The following NUBPL variants were observed in gnomAD, a reference collection of about 807,000 sequenced individuals.
NUBPL encodes the protein NUBP iron-sulfur cluster assembly factor, mitochondrial.
NUBPL carries 31 observed loss-of-function variants against 45.7 expected under a neutral mutation model. The observed-to-expected ratio is 0.68, with a 90% CI of 0.51 to 0.92. NUBPL has a LOEUF of 0.92. NUBPL is among the 40% of genes least tolerant of loss of function. The probability of loss-of-function intolerance (pLI) is 0.00; values close to 1 mark genes in which losing one functional copy is unlikely to be tolerated. For synonymous variants in NUBPL, 144 were observed against 140.9 expected, an observed-to-expected ratio of 1.02 and a Z score of -0.15; for missense variants, 401 against 398.7, an observed-to-expected ratio of 1.01 and a Z score of -0.05.
intron 6 of NUBPL, among the ~76,000 whole-genome samples, chr14:31,782,087 A>G (rs866720718): frequency 2.0e-5 from 3 of 152,148 alleles, no homozygotes; most frequent in Admixed American, 2.0e-4. Flanking sequence ...TGTGTTTCTT[A>G]TAATTTTTTC....
intron 3 of NUBPL, among the ~76,000 whole-genome samples, chr14:31,585,118 G>A (rs1254792698): frequency 1.3e-5 from 2 of 152,116 alleles, no homozygotes; most frequent in African/African-American, 4.8e-5. Context: ...ATGTTTTCAA[G>A]GTTCATCCAT....
At chr14:31,755,887 G>A (rs1260811270) in intron 6 of NUBPL, among the ~76,000 whole-genome samples, 2 of 150,906 alleles carry the variant, frequency 1.3e-5, no homozygotes, top group African/African-American at 2.4e-5. Flanking sequence ...AAGGTGTAAG[G>A]AAGGGATCCA....
chr14:31,671,941 T>C (rs1389072964), intron 4 of NUBPL, among the ~76,000 whole-genome samples: 1 of 152,242 alleles, frequency 6.6e-6, no homozygotes, highest in East Asian at 1.9e-4. Flanking sequence ...CTAGGTTTTA[T>C]GACTTTGTCC....
intron 10 of NUBPL, among the ~76,000 whole-genome samples, chr14:31,858,744 C>T (rs74468004): frequency 0.023 from 3,443 of 152,226 alleles, 66 homozygotes; most frequent in Non-Finnish European, 0.035. Flanking sequence ...ACTAACAGCT[C>T]TTATGCTAAA....
At chr14:31,630,740 T>C (rs1168530239) in intron 4 of NUBPL, among the ~76,000 whole-genome samples, 1 of 152,152 alleles carries the variant, frequency 6.6e-6, no homozygotes, top group East Asian at 1.9e-4. Context: ...GCAATATCTT[T>C]CTAATGACTC....
intron 3 of NUBPL, among the ~76,000 whole-genome samples, chr14:31,592,718 ATC>A (rs1422636771): frequency 6.6e-6 from 1 of 152,036 alleles, no homozygotes; most frequent in Non-Finnish European, 1.5e-5. Context: ...GCAAATTTTC[ATC>A]TCTCTTTCCT....
At chr14:31,648,308 AAAGCCATGGACTGG>A in intron 4 of NUBPL, among the ~76,000 whole-genome samples, 1 of 152,356 alleles carries the variant, frequency 6.6e-6, no homozygotes, top group South Asian at 2.1e-4. Context: ...GGTTGTAAGA[AAAGCCATGGACTGG>A]AAAAATCCTA....
intron 7 of NUBPL, among the ~76,000 whole-genome samples, chr14:31,810,754 A>G (rs1443854651): frequency 6.6e-6 from 1 of 152,168 alleles, no homozygotes; most frequent in Non-Finnish European, 1.5e-5. Context: ...AGTGGCTGGT[A>G]CTTATTGTTC....
chr14:31,579,977 C>T (rs570310170), intron 3 of NUBPL, among the ~76,000 whole-genome samples: 1 of 152,312 alleles, frequency 6.6e-6, no homozygotes, highest in South Asian at 2.1e-4. Context: ...CAAGGTCTGA[C>T]CCTGATTGAA....
At chr14:31,640,719 T>C (rs1465791443) in intron 4 of NUBPL, among the ~76,000 whole-genome samples, 2 of 152,176 alleles carry the variant, frequency 1.3e-5, no homozygotes, top group East Asian at 3.8e-4. Flanking sequence ...ATTATTTTGT[T>C]GATACATAAT....
intron 6 of NUBPL, among the ~76,000 whole-genome samples, chr14:31,777,642 G>A (rs528692084): frequency 2.0e-5 from 3 of 152,330 alleles, no homozygotes; most frequent in East Asian, 1.9e-4. Context: ...AGCTGAAAAC[G>A]TCTGGACATT....
chr14:31,819,936 C>G (rs140959645), intron 7 of NUBPL, among the ~76,000 whole-genome samples: 1 of 151,886 alleles, frequency 6.6e-6, no homozygotes, highest in Non-Finnish European at 1.5e-5. Flanking sequence ...GTCAGGAGAT[C>G]GAGACCATCC....
rs1184905343 is a variant in NUBPL at position 31,860,171 on chromosome 14, CA to C, written c.*992del. The C allele has an allele frequency of 6.6e-6, 1 of 152,060 alleles. No individual in the cohort carries two copies. The highest frequency in any genetic ancestry group is 1.5e-5 in the Non-Finnish European group (1 of 68,116). 9.4% of individuals were successfully genotyped at this position (152,060 alleles called of 1,614,324 possible). The stretch of plus-strand genomic sequence containing the variant: ...TACAAAAATTAGCTGGGTGTGGTGG[CA>C]TATGCCTGTAATCCCAGCTACTCGG... On this transcript the variant is annotated 3_prime_UTR_variant, in exon 11 of 11. Coordinates refer to ENST00000281081, the MANE Select transcript of NUBPL (RefSeq NM_025152.3).
chr14:31,801,371 A>AG (rs746093612), intron 7 of NUBPL, among the ~76,000 whole-genome samples: 96 of 152,300 alleles, frequency 6.3e-4, no homozygotes, highest in Admixed American at 2.0e-3. Context: ...GGGAGACTAC[A>AG]GCAAGTGGAA....
chr14:31,593,098 T>C (rs1413518977), intron 3 of NUBPL, among the ~76,000 whole-genome samples: 4 of 152,072 alleles, frequency 2.6e-5, no homozygotes, highest in African/African-American at 9.7e-5. Context: ...AAAAATACAG[T>C]ATAATAACAA....
intron 4 of NUBPL, among the ~76,000 whole-genome samples, chr14:31,607,959 G>A (rs1394385361): frequency 6.6e-6 from 1 of 152,020 alleles, no homozygotes; most frequent in Admixed American, 6.6e-5. Flanking sequence ...AACTCCCAAA[G>A]ATCAAGGATA....
At chr14:31,699,679 G>T (rs377265394) in intron 6 of NUBPL, among the ~76,000 whole-genome samples, 6 of 152,230 alleles carry the variant, frequency 3.9e-5, no homozygotes, top group African/African-American at 1.4e-4. Flanking sequence ...TGTTTCCCAA[G>T]TTCTCATTCA....
chr14:31,624,189 C>G (rs1424865040), intron 4 of NUBPL, among the ~76,000 whole-genome samples: 2 of 152,044 alleles, frequency 1.3e-5, no homozygotes, highest in Non-Finnish European at 2.9e-5. Context: ...ATGAATAGAC[C>G]TTGGTAATTT....
chr14:31,624,397 G>T (rs2035150718), intron 4 of NUBPL, among the ~76,000 whole-genome samples: 1 of 152,082 alleles, frequency 6.6e-6, no homozygotes, highest in Admixed American at 6.5e-5. Context: ...ACAGATGGTT[G>T]GATATGTGTT....
Sources: allele counts gnomAD v4.1 joint callset (sites outside exome capture counted in the v4.1 genomes callset), GRCh38; gene constraint gnomAD v4.1.1; transcripts MANE v1.5; gene names NCBI Gene and HGNC (gene_info 2026-07-23, HGNC 2026-07-21).